WFDC1: variants seen among roughly 807,000 people sequenced by gnomAD.
WFDC1 encodes WAP four-disulfide core domain protein 1.
WFDC1 carries 39 observed loss-of-function variants against 32.9 expected under a neutral mutation model. The observed-to-expected ratio is 1.19, with a 90% CI of 0.92 to 1.55. The LOEUF (loss-of-function observed/expected upper bound fraction) is 1.55, where lower values mean the gene tolerates loss of function less well. WFDC1 is among the 40% of genes most tolerant of loss of function. The probability of loss-of-function intolerance (pLI) is 0.00; values close to 1 mark genes in which losing one functional copy is unlikely to be tolerated. For synonymous variants in WFDC1, 184 were observed against 137.4 expected, an observed-to-expected ratio of 1.34 and a Z score of -2.37; for missense variants, 386 against 309.5, an observed-to-expected ratio of 1.25 and a Z score of -1.85.
chr16:84,319,581 G>A lies in WFDC1; in HGVS notation c.562+10G>A. The A allele has an allele frequency of 1.9e-6, 3 of 1,610,934 alleles. No homozygotes were observed. Among genetic ancestry groups the A allele is most frequent in the African/African-American group, 1.3e-5 (1 of 75,002 alleles). On this transcript the variant is annotated intron_variant, in intron 4 of 6. Transcript: ENST00000219454. ...CAGCGCCGGCAAGCAGGTGAGTGTG[G>A]CACCCCAGCCCTGATCCTGGCTCCT...
intron 4 of WFDC1, among the ~76,000 whole-genome samples, chr16:84,320,768 C>G (rs1269353727): frequency 6.6e-6 from 1 of 152,120 alleles, no homozygotes; most frequent in Non-Finnish European, 1.5e-5. Context: ...TCTCATAGCC[C>G]TAATAGCTAA....
At chr16:84,300,583 G>C (rs1019651044) in intron 1 of WFDC1, among the ~76,000 whole-genome samples, 2 of 152,174 alleles carry the variant, frequency 1.3e-5, no homozygotes, top group Non-Finnish European at 2.9e-5. Flanking sequence ...ACCTTTTTTG[G>C]AAACAGGTTC....
At chr16:84,317,284 C>A (rs1407204279) in intron 2 of WFDC1, 1 of 146,854 alleles carries the variant, frequency 6.8e-6, no homozygotes, top group Non-Finnish European at 1.5e-5. Context: ...CAGAACAAGA[C>A]TCTGTCTCAA....
At chr16:84,295,228 C>G in intron 1 of WFDC1, 113 bp downstream of exon 1, 1 of 1,391,226 alleles carries the variant, frequency 7.2e-7, no homozygotes, top group South Asian at 1.4e-5. Context: ...CAAAACGTGG[C>G]AAGGCAGGCG....
At chr16:84,308,713 C>G (rs1907422611) in intron 1 of WFDC1, among the ~76,000 whole-genome samples, 1 of 151,996 alleles carries the variant, frequency 6.6e-6, no homozygotes. Context: ...AGATGCCATC[C>G]TGAGTGTAGA....
At chr16:84,319,643 C>G (rs367615352) in intron 4 of WFDC1, 72 bp downstream of exon 4, 1 of 1,557,236 alleles carries the variant, frequency 6.4e-7, no homozygotes, top group Middle Eastern at 2.1e-4. Context: ...GCCTCTCACC[C>G]GCATGGACGA....
chr16:84,313,229 A>G, intron 2 of WFDC1, 76 bp downstream of exon 2: 2 of 1,300,768 alleles, frequency 1.5e-6, no homozygotes, highest in South Asian at 2.0e-5. Flanking sequence ...AGGGGAAGAA[A>G]GGAGCTGGGC....
chr16:84,301,923 G>A (rs2151367449), intron 1 of WFDC1, among the ~76,000 whole-genome samples: 1 of 152,326 alleles, frequency 6.6e-6, no homozygotes, highest in South Asian at 2.1e-4. Context: ...GGGAGAGGGA[G>A]ACAGGAAAGC....
chr16:84,306,242 C>A (rs115902199), intron 1 of WFDC1, among the ~76,000 whole-genome samples: 2 of 152,076 alleles, frequency 1.3e-5, no homozygotes, highest in South Asian at 2.1e-4. Flanking sequence ...CAAACCCAGA[C>A]GCGTCAGACT....
intron 1 of WFDC1, among the ~76,000 whole-genome samples, chr16:84,306,961 G>C (rs937183417): frequency 3.9e-5 from 6 of 152,188 alleles, no homozygotes; most frequent in Non-Finnish European, 8.8e-5. Context: ...GTGATGAGGT[G>C]TGTGAAGCTC....
At chr16:84,325,301 C>A (rs565920031) in intron 5 of WFDC1, among the ~76,000 whole-genome samples, 2 of 151,618 alleles carry the variant, frequency 1.3e-5, no homozygotes, top group South Asian at 4.2e-4. Context: ...CTCCTGGGTT[C>A]AAGCAGTTCT....
intron 1 of WFDC1, among the ~76,000 whole-genome samples, chr16:84,311,062 A>C (rs1401378873): frequency 1.3e-5 from 2 of 152,170 alleles, no homozygotes; most frequent in African/African-American, 4.8e-5. Context: ...GCAAATGAGC[A>C]CAAACTGCTC....
intron 2 of WFDC1, chr16:84,318,035 C>G (rs1400557819): frequency 2.1e-6 from 1 of 487,268 alleles, no homozygotes; most frequent in Admixed American, 3.2e-5. Flanking sequence ...CTGCTCACAT[C>G]TTTGTAGCTG....
intron 1 of WFDC1, among the ~76,000 whole-genome samples, chr16:84,300,736 G>A (rs572440539): frequency 3.9e-5 from 6 of 152,294 alleles, no homozygotes; most frequent in East Asian, 1.9e-4. Flanking sequence ...TTGGGAGGCC[G>A]AGGTGGGCGG....
intron 1 of WFDC1, among the ~76,000 whole-genome samples, chr16:84,302,146 G>T (rs11646200): frequency 6.6e-6 from 1 of 151,966 alleles, no homozygotes; most frequent in South Asian, 2.1e-4. Context: ...TGGATGCAAC[G>T]TCCAGAAGAG....
At chr16:84,313,742 A>G (rs1597680678) in intron 2 of WFDC1, among the ~76,000 whole-genome samples, 1 of 152,206 alleles carries the variant, frequency 6.6e-6, no homozygotes, top group Admixed American at 6.5e-5. Context: ...CGTGCCCCAG[A>G]GAGGAGCGGG....
intron 1 of WFDC1, among the ~76,000 whole-genome samples, chr16:84,301,386 G>A (rs1906924549): frequency 1.3e-5 from 2 of 152,240 alleles, no homozygotes; most frequent in Non-Finnish European, 2.9e-5. Flanking sequence ...TGAGGCCATT[G>A]CAGAGAATGA....
At chr16:84,315,918 G>A (rs1907920891) in intron 2 of WFDC1, 2 of 152,236 alleles carry the variant, frequency 1.3e-5, no homozygotes, top group South Asian at 4.1e-4. Flanking sequence ...TTCCAGTGAG[G>A]TCATGAAGAG....
At chr16:84,315,023 G>T (rs1186299436) in intron 2 of WFDC1, among the ~76,000 whole-genome samples, 1 of 152,200 alleles carries the variant, frequency 6.6e-6, no homozygotes, top group Non-Finnish European at 1.5e-5. Flanking sequence ...TGAATCATTT[G>T]CCCAAGGTCA....
Sources: gnomAD v4.1 joint callset for allele counts (sites outside exome capture counted in the v4.1 genomes callset) on GRCh38, gnomAD v4.1.1 for gene constraint, MANE v1.5 for transcripts, NCBI Gene and HGNC (gene_info 2026-07-23, HGNC 2026-07-21) for gene names.